IFNAR2: variants seen among roughly 807,000 people sequenced by gnomAD.
IFNAR2 encodes interferon alpha/beta receptor 2.
A neutral mutation model predicts 49.4 loss-of-function variants in IFNAR2; 30 were observed. The ratio of observed to expected loss-of-function variants is 0.61; its 90% CI spans 0.45 to 0.82. The LOEUF (loss-of-function observed/expected upper bound fraction) is 0.82. IFNAR2 is among the 40% of genes least tolerant of loss of function. The pLI, the probability that IFNAR2 is intolerant of heterozygous loss-of-function variation, is 0.00. For missense variants in IFNAR2, 600 were observed against 622.7 expected (o/e 0.96, Z 0.39); for synonymous variants, 224 against 234.5 (o/e 0.96, Z 0.41).
rs569675655 is a variant in IFNAR2 at position 33,251,211 on chromosome 21, C to T, written c.541-1451C>T. 4.3e-4 allele frequency among the ~76,000 whole-genome samples: 66 copies of T among 152,190 alleles called. 2 individuals are homozygous for T. The South Asian group carries it at 0.013, about 30-fold the overall frequency. On this transcript the variant is annotated intron_variant, in intron 6 of 8. Coordinates refer to ENST00000342136, the MANE Select transcript of IFNAR2 (RefSeq NM_001289125.3). ...GCAAATGAGGAAGAAACAGCAAAAT[C>T]GACTGAGAAAGAGCAACCAGCATGG... is the stretch of plus-strand genomic sequence containing the variant.
chr21:33,264,528 C>G lies in IFNAR2; in HGVS notation c.*1028C>G, dbSNP rs1454844567. 6.7e-6 allele frequency: 1 copy of G among 149,768 alleles called. No individual in the cohort carries two copies. Among genetic ancestry groups the G allele is most frequent in the African/African-American group, 2.5e-5 (1 of 40,638 alleles). 9.3% of individuals were successfully genotyped at this position (149,768 alleles called of 1,614,324 possible). On this transcript the variant is annotated 3_prime_UTR_variant, in exon 9 of 9. Coordinates refer to ENST00000342136, the MANE Select transcript of IFNAR2 (RefSeq NM_001289125.3). ...TATTTTAAGTTAAAAAAAAAAAAAG[C>G]AAACACAAAGATGCTTCAAGATCTT...
intron 6 of IFNAR2, chr21:33,252,428 T>G: frequency 1.0e-6 from 1 of 981,582 alleles, no homozygotes; most frequent in Non-Finnish European, 1.2e-6. Flanking sequence ...ATGAAGGCGC[T>G]AGACTAGATG....
At position 33,263,158 on chromosome 21, in the gene IFNAR2, C is replaced by T; in HGVS notation, c.1206C>T (p.Leu402=). 1 of 1,614,154 alleles carries T rather than the reference C, an allele frequency of 6.2e-7. No individual in the cohort carries two copies. The highest frequency in any genetic ancestry group is 1.1e-5 in the South Asian group (1 of 91,082). The stretch of plus-strand genomic sequence containing the variant: ...CCTGTGAGAGGAGAAAGAGTCCACT[C>T]CAGGACCCTTTTCCCGAAGAGGACT... ...SGPCERRKSP[L]QDPFPEEDYS... The change falls in exon 9 of 9, where the codon CTC becomes CTT. Residue 402 remains leucine, a synonymous_variant. Coordinates refer to ENST00000342136, the MANE Select transcript of IFNAR2 (RefSeq NM_001289125.3).
At chr21:33,243,292 C>G (rs1470569488) in intron 2 of IFNAR2, among the ~76,000 whole-genome samples, 2 of 152,146 alleles carry the variant, frequency 1.3e-5, no homozygotes, top group Non-Finnish European at 2.9e-5. Context: ...CCGTGTTGGC[C>G]AGGCTGATCT....
chr21:33,239,575 G>A (rs1226008465), intron 1 of IFNAR2, among the ~76,000 whole-genome samples: 4 of 150,600 alleles, frequency 2.7e-5, no homozygotes. Flanking sequence ...AGCCCTCAAT[G>A]TTGTGAGCTA....
In IFNAR2 at chr21:33,262,904, T is replaced by G. The variant is rs746605287; in HGVS notation, c.952T>G (p.Tyr318Asp). 2.5e-6 allele frequency: 4 copies of G among 1,614,080 alleles called. No individual in the cohort carries two copies. Among genetic ancestry groups the G allele is most frequent in the South Asian group, 1.1e-5 (1 of 91,078 alleles). The change falls in exon 9 of 9, where the codon TAT (tyrosine) becomes GAT (aspartate). Residue 318 changes from tyrosine (Y) to aspartate (D), a missense_variant. By Grantham distance (160) the Tyr-to-Asp change is radical (BLOSUM62 -3). Coordinates refer to ENST00000342136, the MANE Select transcript of IFNAR2 (RefSeq NM_001289125.3). ...NRKKKVWDYNYDDESDSDTEA... is the reference protein window; with the variant it reads ...NRKKKVWDYNDDDESDSDTEA... Reference sequence around the variant, plus strand: ...AAAGAAGAAAGTGTGGGATTATAATTATGATGATGAAAGTGATAGCGATAC... The same window carrying G: ...AAAGAAGAAAGTGTGGGATTATAATGATGATGATGAAAGTGATAGCGATAC...
At chr21:33,238,746 T>C (rs1986678463) in intron 1 of IFNAR2, among the ~76,000 whole-genome samples, 1 of 149,508 alleles carries the variant, frequency 6.7e-6, no homozygotes, top group South Asian at 2.1e-4. Flanking sequence ...GAAAAAGATG[T>C]GACTCATATC....
chr21:33,244,841 G>A, intron 3 of IFNAR2, 110 bp from the exon 4 acceptor site: 4 of 974,740 alleles, frequency 4.1e-6, no homozygotes, highest in Non-Finnish European at 6.4e-6. Flanking sequence ...GCTCTCTGGA[G>A]AGGTTATCTG....
chr21:33,262,222 G>A (rs531790691), intron 8 of IFNAR2, among the ~76,000 whole-genome samples: 40 of 151,918 alleles, frequency 2.6e-4, no homozygotes, highest in Non-Finnish European at 5.6e-4. Context: ...AAAATTTGCC[G>A]GGCATAGTGG....
intron 6 of IFNAR2, among the ~76,000 whole-genome samples, chr21:33,249,720 C>G (rs1170190535): frequency 6.6e-6 from 1 of 152,118 alleles, no homozygotes; most frequent in Admixed American, 6.5e-5. Context: ...GTAGCAGCAG[C>G]TTATGTCTGT....
Position 33,230,646 on chromosome 21 carries a change from G to A in IFNAR2, c.-84+430G>A. ...TCACCAGCTGGGTGCTCAGGTTCGG[G>A]ATCTCCAGCCCGCCCCCTTGAGGTC... On this transcript the variant is annotated intron_variant, in intron 1 of 8. Transcript: ENST00000342136. This position sits in a 1 kb window ranked among gnomAD's most constrained non-coding sequence, Gnocchi z 5.5. 3 of 467,082 alleles carry A rather than the reference G, an allele frequency of 6.4e-6. No individual in the cohort carries two copies. Among genetic ancestry groups the A allele is most frequent in the South Asian group, 3.1e-5 (2 of 64,100 alleles). 28.9% of individuals were successfully genotyped at this position (467,082 alleles called of 1,614,324 possible). A position where few individuals can be genotyped will look rare whatever the true frequency, so the allele number is the denominator to read the frequency against.
chr21:33,258,898 A>G (rs151167479), intron 7 of IFNAR2, among the ~76,000 whole-genome samples: 37 of 152,282 alleles, frequency 2.4e-4, no homozygotes, highest in Non-Finnish European at 4.6e-4. Context: ...ATCCATCCAC[A>G]TGCCTTGAAG....
At chr21:33,245,273 T>A (rs1987315556) in intron 4 of IFNAR2, among the ~76,000 whole-genome samples, 199 bp downstream of exon 4, 11 of 152,236 alleles carry the variant, frequency 7.2e-5, no homozygotes, top group Admixed American at 7.2e-4. Flanking sequence ...AGTTGAATAC[T>A]TTAATAATCC....
intron 7 of IFNAR2, among the ~76,000 whole-genome samples, chr21:33,255,803 G>C (rs976233621): frequency 6.6e-6 from 1 of 152,170 alleles, no homozygotes; most frequent in Admixed American, 6.5e-5. Context: ...CTGATCATGT[G>C]GTTAGTTTTT....
At position 33,252,735 on chromosome 21, in the gene IFNAR2, A is replaced by T. The variant is rs758825586; in HGVS notation, c.614A>T (p.Asn205Ile). The T allele has an allele frequency of 6.2e-7, 1 of 1,613,478 alleles. No homozygotes were observed. Among genetic ancestry groups the T allele is most frequent in the Non-Finnish European group, 8.5e-7 (1 of 1,179,428 alleles). The stretch of plus-strand genomic sequence containing the variant: ...ATTGACAAGTTAATTCCAAACACGA[A>T]CTACTGTGTATCTGTTTATTTAGAG... ...YIIDKLIPNT[N>I]YCVSVYLEHS... is the part of the protein sequence containing the mutation. The change falls in exon 7 of 9, where the codon AAC becomes ATC. Residue 205 changes from asparagine to isoleucine, a missense_variant. Transcript: ENST00000342136.
At chr21:33,252,118 ATATCTG>A (rs1987898270) in intron 6 of IFNAR2, 4 of 459,640 alleles carry the variant, frequency 8.7e-6, no homozygotes, top group Admixed American at 4.9e-5. Flanking sequence ...CTATCTATCT[ATATCTG>A]TCTATTGATA....
intron 4 of IFNAR2, among the ~76,000 whole-genome samples, chr21:33,245,737 G>A (rs887262551): frequency 1.3e-5 from 2 of 152,188 alleles, no homozygotes; most frequent in African/African-American, 4.8e-5. Flanking sequence ...GTGTCCTTTT[G>A]ATGGTTATTT....
At chr21:33,255,428 C>T (rs1988142916) in intron 7 of IFNAR2, among the ~76,000 whole-genome samples, 1 of 152,184 alleles carries the variant, frequency 6.6e-6, no homozygotes, top group African/African-American at 2.4e-5. Flanking sequence ...TTCCCATGAC[C>T]TCCCTTTAGG....
chr21:33,250,737 C>T (rs1002006280), intron 6 of IFNAR2, among the ~76,000 whole-genome samples: 2 of 152,192 alleles, frequency 1.3e-5, no homozygotes, highest in East Asian at 3.8e-4. Context: ...CAGGGTTTCA[C>T]TGTGTTGGCC....
Sources: allele counts gnomAD v4.1 joint callset (sites outside exome capture counted in the v4.1 genomes callset), GRCh38; gene constraint gnomAD v4.1.1; non-coding constraint Gnocchi (gnomAD v3.1); transcripts MANE v1.5; gene names NCBI Gene and HGNC (gene_info 2026-07-23, HGNC 2026-07-21).